The following AGO2 variants were observed in gnomAD, a reference collection of about 807,000 sequenced individuals.
AGO2 encodes argonaute RISC catalytic component 2, also known as protein argonaute-2.
In AGO2, 5 loss-of-function variants were observed where a neutral mutation model predicts 102.3. The observed-to-expected ratio is 0.05, with a 90% CI of 0.03 to 0.10. AGO2 has a LOEUF of 0.10. Among genes scored for constraint, AGO2 ranks in the 10% least tolerant of loss-of-function variants. The pLI, the probability that AGO2 is intolerant of heterozygous loss-of-function variation, is 1.00. For synonymous variants in AGO2, 449 were observed against 473.1 expected (o/e 0.95, Z 0.66); for missense variants, 541 against 1,183.7 (o/e 0.46, Z 7.97).
chr8:140,598,721 C>T (rs910568750), intron 1 of AGO2, among the ~76,000 whole-genome samples: 2 of 152,212 alleles, frequency 1.3e-5, no homozygotes, highest in Admixed American at 1.3e-4. Flanking sequence ...CACTCCCCAA[C>T]CCCGTTTCCT....
intron 1 of AGO2, among the ~76,000 whole-genome samples, chr8:140,613,650 C>T (rs2152102800): frequency 6.6e-6 from 1 of 152,268 alleles, no homozygotes. Context: ...GTAATACTGG[C>T]AGAATCGGCG....
chr8:140,521,467 A>G lies in AGO2; in HGVS notation c.*10577T>C, dbSNP rs1288733747. ...AATAGTAAAACTATATACTACAGGA[A>G]AGATCCCTAATTTTTATTTCTTATT... On this transcript the variant is annotated 3_prime_UTR_variant, in exon 19 of 19. Transcript: ENST00000220592. The G allele has an allele frequency of 6.6e-6, 1 of 152,254 alleles. No homozygotes were observed. The highest frequency in any genetic ancestry group is 1.5e-5 in the Non-Finnish European group (1 of 68,042). 9.4% of individuals were successfully genotyped at this position (152,254 alleles called of 1,614,324 possible). A position where few individuals can be genotyped will look rare whatever the true frequency, so the allele number is the denominator to read the frequency against.
intron 1 of AGO2, among the ~76,000 whole-genome samples, chr8:140,605,364 C>T (rs1351086645): frequency 1.3e-5 from 2 of 152,110 alleles, no homozygotes; most frequent in African/African-American, 4.8e-5. Flanking sequence ...CCCAACGTGC[C>T]GCGATTACAG....
rs568201636 is a variant in AGO2 at position 140,619,735 on chromosome 8, G to A, written c.22+15750C>T. 5.3e-5 allele frequency among the ~76,000 whole-genome samples: 8 copies of A among 152,294 alleles called. No individual in the cohort carries two copies. The South Asian group carries it at 6.2e-4, about 12-fold the overall frequency. On this transcript the variant is annotated intron_variant, in intron 1 of 18. Coordinates refer to ENST00000220592, the MANE Select transcript of AGO2 (RefSeq NM_012154.5). Reference sequence around the variant, plus strand: ...GCAACTCTCCACACTCTACAGGCACGCTAGGTTTCAACGAATAAGCAAACT... The same window carrying A: ...GCAACTCTCCACACTCTACAGGCACACTAGGTTTCAACGAATAAGCAAACT...
chr8:140,570,082 G>C (rs2132969330), intron 3 of AGO2, among the ~76,000 whole-genome samples: 1 of 152,396 alleles, frequency 6.6e-6, no homozygotes, highest in East Asian at 1.9e-4. Flanking sequence ...TCACACAGAA[G>C]GTTAATTTCT....
intron 10 of AGO2, among the ~76,000 whole-genome samples, chr8:140,551,733 C>T (rs1010802142): frequency 5.6e-5 from 3 of 53,190 alleles, no homozygotes; most frequent in African/African-American, 1.4e-4. Flanking sequence ...GATGGTTGAT[C>T]GGTGGATAAG....
At position 140,607,497 on chromosome 8, in the gene AGO2, TATATATATATATATATATAC is replaced by T. The variant is rs1215835560; in HGVS notation, c.23-22206_23-22187del. Among the ~76,000 whole-genome samples, 46 of 11,290 alleles carry T rather than the reference TATATATATATATATATATAC, an allele frequency of 4.1e-3. 2 individuals are homozygous for T. Among genetic ancestry groups the T allele is most frequent in the Admixed American group, 0.02 (13 of 640 alleles). The allele number at this position is 11,290 out of a possible 152,430, so 7.4% of individuals were successfully genotyped here. A position where few individuals can be genotyped will look rare whatever the true frequency, so the allele number is the denominator to read the frequency against. ...ATATATATATATATATATATATATA[TATATATATATATATATATAC>T]ACACACACACACGTATGGAAAAAAA... On this transcript the variant is annotated intron_variant, in intron 1 of 18. Coordinates refer to ENST00000220592, the MANE Select transcript of AGO2 (RefSeq NM_012154.5).
chr8:140,552,554 A>G (rs1408040402), intron 10 of AGO2, among the ~76,000 whole-genome samples: 2 of 152,298 alleles, frequency 1.3e-5, no homozygotes, highest in African/African-American at 4.8e-5. Flanking sequence ...TGCTGTAGAA[A>G]TCAGACACGT....
At chr8:140,610,223 C>CAAAG (rs2074058228) in intron 1 of AGO2, among the ~76,000 whole-genome samples, 2 of 151,680 alleles carry the variant, frequency 1.3e-5, no homozygotes, top group Non-Finnish European at 2.9e-5. Flanking sequence ...AAACAAACAC[C>CAAAG]CCCAAAACCA....
At chr8:140,556,357 A>G (rs1419079596) in intron 8 of AGO2, 71 bp from the exon 9 acceptor site, 1 of 1,584,900 alleles carries the variant, frequency 6.3e-7, no homozygotes, top group Non-Finnish European at 8.6e-7. Context: ...CAGGGGGCTC[A>G]GGGGCTGGTG....
Position 140,535,552 on chromosome 8 carries a change from G to A in AGO2, c.2187C>T (p.Asn729=). The change falls in exon 17 of 19, where the codon AAC becomes AAT. Residue 729 remains asparagine, a synonymous_variant. Transcript: ENST00000220592. ...DKNERVGKSG[N]IPAGTTVDTK... is the part of the protein sequence containing the mutation. The stretch of plus-strand genomic sequence containing the variant: ...TGTCCACAGTCGTGCCTGCTGGAAT[G>A]TTTCCACTTTTCCCAACCTTCGGCA... 1 of 1,614,238 alleles carries A rather than the reference G, an allele frequency of 6.2e-7. No homozygotes were observed. The highest frequency in any genetic ancestry group is 2.2e-5 in the East Asian group (1 of 44,878).
At chr8:140,555,793 A>C (rs4961270) in intron 10 of AGO2, 103 bp downstream of exon 10, 564,255 of 1,442,940 alleles carry the variant, frequency 0.39, 112,126 homozygotes, top group East Asian at 0.54. Flanking sequence ...ATTCTCCTGC[A>C]TGGAACACAG....
intron 12 of AGO2, among the ~76,000 whole-genome samples, chr8:140,548,160 A>T (rs2072934437): frequency 6.6e-6 from 1 of 152,082 alleles, no homozygotes; most frequent in African/African-American, 2.4e-5. Flanking sequence ...TACTAATAAT[A>T]TAAAAATTAG....
intron 13 of AGO2, among the ~76,000 whole-genome samples, chr8:140,547,050 T>C (rs2072913412): frequency 6.6e-6 from 1 of 152,074 alleles, no homozygotes; most frequent in South Asian, 2.1e-4. Flanking sequence ...CATGAGGAGC[T>C]TTTCAGTCTA....
At chr8:140,553,366 A>C (rs967200123) in intron 10 of AGO2, among the ~76,000 whole-genome samples, 2 of 151,462 alleles carry the variant, frequency 1.3e-5, no homozygotes, top group Non-Finnish European at 2.9e-5. Flanking sequence ...CCAGGGCAAC[A>C]GAGAAACACT....
At chr8:140,629,014 C>G (rs1474278366) in intron 1 of AGO2, among the ~76,000 whole-genome samples, 2 of 152,154 alleles carry the variant, frequency 1.3e-5, no homozygotes, top group Non-Finnish European at 2.9e-5. Flanking sequence ...TCACTTGAAC[C>G]TGGGAGGCGG....
chr8:140,607,818 T>TTC (rs1233763639), intron 1 of AGO2, among the ~76,000 whole-genome samples: 1 of 152,102 alleles, frequency 6.6e-6, no homozygotes, highest in Non-Finnish European at 1.5e-5. Context: ...AGCACAGGGC[T>TTC]TCTGTTCCAG....
At chr8:140,596,300 TG>T (rs2073842464) in intron 1 of AGO2, among the ~76,000 whole-genome samples, 1 of 152,180 alleles carries the variant, frequency 6.6e-6, no homozygotes, top group Admixed American at 6.5e-5. Flanking sequence ...AAACAGAAGC[TG>T]GCTGGGTGTG....
chr8:140,612,438 C>A (rs2176397), intron 1 of AGO2, among the ~76,000 whole-genome samples: 2 of 151,886 alleles, frequency 1.3e-5, no homozygotes, highest in South Asian at 4.1e-4. Flanking sequence ...TCTACAGCTG[C>A]GGATTCTACA....
Sources: gnomAD v4.1 joint callset for allele counts (sites outside exome capture counted in the v4.1 genomes callset) on GRCh38, gnomAD v4.1.1 for gene constraint, MANE v1.5 for transcripts, NCBI Gene and HGNC (gene_info 2026-07-23, HGNC 2026-07-21) for gene names.